The following CFAP47 variants were observed in gnomAD, a reference collection of about 807,000 sequenced individuals.
CFAP47 encodes cilia and flagella associated protein 47.
A neutral mutation model predicts 148.1 loss-of-function variants in CFAP47; 29 were observed. The observed-to-expected ratio is 0.20, with a 90% CI of 0.15 to 0.27. The LOEUF is 0.27. CFAP47 is among the 10% of genes least tolerant of loss of function. The pLI is 1.00. For missense variants in CFAP47, 1,872 were observed against 1,697.5 expected (o/e 1.10, Z -1.81); for synonymous variants, 664 against 577.3 (o/e 1.15, Z -2.15).
chrX:36,317,713 T>C (rs1941447908), intron 56 of CFAP47, among the ~76,000 whole-genome samples: 1 of 110,623 alleles, frequency 9.0e-6, no homozygotes, highest in East Asian at 2.8e-4. Flanking sequence ...CCGCCGTGCC[T>C]GGCCTATATT....
At chrX:36,178,190 G>A (rs779340906) in intron 39 of CFAP47, among the ~76,000 whole-genome samples, 1 of 110,853 alleles carries the variant, frequency 9.0e-6, no homozygotes, top group Non-Finnish European at 1.9e-5. Context: ...AGAGGGCAGA[G>A]GGATGGAGGG....
chrX:36,281,711 A>G (rs1256660269), intron 50 of CFAP47, among the ~76,000 whole-genome samples: 1 of 112,515 alleles, frequency 8.9e-6, no homozygotes, highest in African/African-American at 3.2e-5. Context: ...GTTTGTTCAT[A>G]CAACTGGGCA....
In CFAP47 at chrX:36,104,645, A is replaced by C. The variant is rs1384082759; in HGVS notation, c.5274A>C (p.Ile1758=). ...SERILLSWMN[I]NYENTRHVIW... ...GAATTTTGCTTAGTTGGATGAACAT[A>C]AATTATGAGAATACTCGACATGTGA... Residue 1758 remains isoleucine (I), a synonymous_variant, in exon 33 of 64, where the codon ATA becomes ATC. Transcript: ENST00000378653. 1.1e-6 allele frequency: 1 copy of C among 913,285 alleles called. No homozygotes were observed. 75.3% of individuals were successfully genotyped at this position (913,285 alleles called of 1,213,427 possible).
At chrX:36,033,958 A>G (rs758986967) in intron 23 of CFAP47, among the ~76,000 whole-genome samples, 2 of 111,508 alleles carry the variant, frequency 1.8e-5, no homozygotes, top group Non-Finnish European at 3.8e-5. Context: ...TTTACCTAAC[A>G]TTACCTTACA....
intron 8 of CFAP47, among the ~76,000 whole-genome samples, chrX:35,963,292 C>A (rs1222567057): frequency 9.1e-6 from 1 of 109,691 alleles, no homozygotes; most frequent in African/African-American, 3.3e-5. Context: ...TAAATATTTT[C>A]AACACAAAAC....
chrX:35,919,982 G>T lies in CFAP47; in HGVS notation c.183G>T (p.Pro61=). Residue 61 remains proline (P), a synonymous_variant, in exon 1 of 64, where the codon CCG becomes CCT. Coordinates refer to ENST00000378653, the MANE Select transcript of CFAP47 (RefSeq NM_001304548.2). The stretch of plus-strand genomic sequence containing the variant: ...TGGCCGGGAGGGTGTACCGCCTCCC[G>T]ATTACTGTGCATAATATTTGCCGCT... The part of the protein sequence containing the change: ...DTMAGRVYRL[P]ITVHNICRWN... The T allele has an allele frequency of 8.3e-7, 1 of 1,209,429 alleles. No individual in the cohort carries two copies. The highest frequency in any genetic ancestry group is 1.1e-6 in the Non-Finnish European group (1 of 894,359).
intron 40 of CFAP47, among the ~76,000 whole-genome samples, chrX:36,183,922 G>GT (rs899471004): frequency 4.5e-5 from 5 of 110,514 alleles, no homozygotes; most frequent in South Asian, 3.8e-4. Flanking sequence ...GACCTGCTGT[G>GT]TTTTTTTTCC....
At chrX:36,136,568 A>T (rs753717078) in intron 33 of CFAP47, among the ~76,000 whole-genome samples, 78 of 111,479 alleles carry the variant, frequency 7.0e-4, no homozygotes, top group Non-Finnish European at 1.1e-3. Flanking sequence ...CATTTTACTT[A>T]GGTAAGAGAG....
At chrX:36,081,311 C>T (rs1276711883) in intron 29 of CFAP47, among the ~76,000 whole-genome samples, 2 of 110,787 alleles carry the variant, frequency 1.8e-5, no homozygotes, top group African/African-American at 6.6e-5. Context: ...AAATTGAATC[C>T]CTGAACAGAT....
chrX:36,070,735 G>A (rs767461662), intron 27 of CFAP47, among the ~76,000 whole-genome samples: 2 of 110,666 alleles, frequency 1.8e-5, no homozygotes, highest in East Asian at 2.9e-4. Context: ...CAGGTGATCC[G>A]CCCGCCTTGG....
intron 6 of CFAP47, among the ~76,000 whole-genome samples, chrX:35,953,367 G>A (rs1447151818): frequency 8.9e-6 from 1 of 111,779 alleles, no homozygotes; most frequent in Admixed American, 9.6e-5. Flanking sequence ...TTGTCTTGAC[G>A]ATGTTGGCAC....
chrX:36,203,034 T>C (rs1555988296), intron 44 of CFAP47, among the ~76,000 whole-genome samples: 4 of 111,872 alleles, frequency 3.6e-5, no homozygotes, highest in African/African-American at 1.3e-4. Flanking sequence ...TTTTTATTTG[T>C]CAGAAGCTAG....
At chrX:36,020,748 G>T (rs1039879251) in intron 22 of CFAP47, among the ~76,000 whole-genome samples, 7 of 111,748 alleles carry the variant, frequency 6.3e-5, no homozygotes, top group African/African-American at 2.3e-4. Flanking sequence ...GATGAATTGT[G>T]TTGCTTATAG....
intron 26 of CFAP47, among the ~76,000 whole-genome samples, chrX:36,052,870 T>C (rs1012981536): frequency 1.8e-5 from 2 of 112,266 alleles, no homozygotes; most frequent in Non-Finnish European, 3.8e-5. Flanking sequence ...CTTGGCACCA[T>C]TGGGTCAGTC....
At chrX:36,344,651 G>A (rs151113626) in intron 57 of CFAP47, among the ~76,000 whole-genome samples, 3,232 of 111,506 alleles carry the variant, frequency 0.029, 113 homozygotes, top group African/African-American at 0.099. Context: ...TATCTGTCTT[G>A]ACTTCTTACA....
At chrX:35,922,174 A>G (rs892637917) in intron 1 of CFAP47, among the ~76,000 whole-genome samples, 1 of 110,350 alleles carries the variant, frequency 9.1e-6, no homozygotes, top group Non-Finnish European at 1.9e-5. Context: ...TCTCACCCAC[A>G]TTTTCATACC....
chrX:36,020,831 G>T (rs1321688001), intron 22 of CFAP47, among the ~76,000 whole-genome samples: 3 of 111,380 alleles, frequency 2.7e-5, no homozygotes, highest in Non-Finnish European at 3.8e-5. Context: ...TTATTGTTAA[G>T]TAAGGACTTA....
chrX:36,029,048 T>G (rs1469790308), intron 22 of CFAP47, among the ~76,000 whole-genome samples: 1 of 110,974 alleles, frequency 9.0e-6, no homozygotes, highest in Admixed American at 9.6e-5. Flanking sequence ...TTTAAATTAC[T>G]GATTCAATGT....
rs1452603385 is a variant in CFAP47 at position 36,310,926 on chromosome X, A to G, written c.8281A>G (p.Thr2761Ala). The G allele has an allele frequency of 8.7e-7, 1 of 1,146,372 alleles. No individual in the cohort carries two copies. Among genetic ancestry groups the G allele is most frequent in the Non-Finnish European group, 1.2e-6 (1 of 855,835 alleles). 94.5% of individuals were successfully genotyped at this position (1,146,372 alleles called of 1,213,427 possible). A position where few individuals can be genotyped will look rare whatever the true frequency, so the allele number is the denominator to read the frequency against. ...AACCACACGCATTGGTCTTCAGTCA[A>G]CTATTGTTATACCTTTCAAAAATCC... Reference protein sequence around the residue: ...RITTRIGLQSTIVIPFKNPTM... With the variant: ...RITTRIGLQSAIVIPFKNPTM... Residue 2761 changes from threonine (T) to alanine (A), a missense_variant, in exon 56 of 64, where the codon ACT (threonine) becomes GCT (alanine). Transcript: ENST00000378653.
Sources: gnomAD v4.1 joint callset for allele counts (sites outside exome capture counted in the v4.1 genomes callset) on GRCh38, gnomAD v4.1.1 for gene constraint, MANE v1.5 for transcripts, NCBI Gene and HGNC (gene_info 2026-07-23, HGNC 2026-07-21) for gene names.